The following GPC6 variants were observed in gnomAD, a reference collection of about 807,000 sequenced individuals.
GPC6 encodes glypican 6.
In GPC6, 14 loss-of-function variants were observed where a neutral mutation model predicts 55.2. The ratio of observed to expected loss-of-function variants is 0.25; its 90% confidence interval spans 0.17 to 0.40. The LOEUF (loss-of-function observed/expected upper bound fraction) is 0.40, where lower values mean the gene tolerates loss of function less well. Among genes scored for constraint, GPC6 ranks in the 10% least tolerant of loss-of-function variants. GPC6 has a pLI of 1.00. For synonymous variants in GPC6, 278 were observed against 259.6 expected (o/e 1.07, Z -0.68); for missense variants, 641 against 708.5 (o/e 0.90, Z 1.08).
chr13:93,905,461 T>A (rs1235827563), intron 3 of GPC6, among the ~76,000 whole-genome samples: 1 of 152,148 alleles, frequency 6.6e-6, no homozygotes, highest in Non-Finnish European at 1.5e-5. Context: ...TTTAAAAGGC[T>A]GGCACAAGTT....
intron 6 of GPC6, among the ~76,000 whole-genome samples, chr13:94,323,173 C>G (rs1247763702): frequency 2.0e-5 from 3 of 152,134 alleles, no homozygotes; most frequent in Admixed American, 6.5e-5. Context: ...CTGAGCGGAG[C>G]CTGCCCCAGC....
rs564772871 is a variant in GPC6, at chr13:93,448,850, C to G, written c.161-96413C>G. 1.1e-4 allele frequency among the ~76,000 whole-genome samples: 16 copies of G among 152,274 alleles called. No individual in the cohort carries two copies. In the South Asian group the frequency reaches 1.5e-3, roughly 14 times the overall value. ...GAAGACATTCCTGCTTTCAAACTTCCAGATACTTAAAATGACAACAACAAC... is the reference window on the plus strand; with the variant it reads ...GAAGACATTCCTGCTTTCAAACTTCGAGATACTTAAAATGACAACAACAAC... On this transcript the variant is annotated intron_variant, in intron 1 of 8. Coordinates refer to ENST00000377047, the MANE Select transcript of GPC6 (RefSeq NM_005708.5).
intron 1 of GPC6, among the ~76,000 whole-genome samples, chr13:93,360,799 C>T (rs753128402): frequency 6.6e-6 from 1 of 151,996 alleles, no homozygotes; most frequent in Non-Finnish European, 1.5e-5. Context: ...GTTCACAGTT[C>T]AACTCCTGAT....
intron 4 of GPC6, among the ~76,000 whole-genome samples, chr13:94,047,512 A>C (rs916768526): frequency 1.3e-5 from 2 of 151,964 alleles, no homozygotes; most frequent in African/African-American, 4.8e-5. Context: ...GTATGGAAGA[A>C]AAAAAAAGAT....
At chr13:94,345,089 T>A (rs1018153516) in intron 6 of GPC6, among the ~76,000 whole-genome samples, 3 of 152,202 alleles carry the variant, frequency 2.0e-5, no homozygotes, top group Non-Finnish European at 4.4e-5. Flanking sequence ...TATTAACTGG[T>A]CTATATTTAT....
At chr13:93,257,834 C>T (rs908947421) in intron 1 of GPC6, among the ~76,000 whole-genome samples, 1 of 152,116 alleles carries the variant, frequency 6.6e-6, no homozygotes, top group Non-Finnish European at 1.5e-5. Context: ...TTAACTTTTT[C>T]TAGTATTAAA....
At chr13:94,077,043 C>T (rs1018476695) in intron 4 of GPC6, among the ~76,000 whole-genome samples, 9 of 147,064 alleles carry the variant, frequency 6.1e-5, no homozygotes, top group East Asian at 2.0e-4. Context: ...ACGGGGATAA[C>T]GCTGAATCTG....
At chr13:93,371,717 TA>T (rs1157358458) in intron 1 of GPC6, among the ~76,000 whole-genome samples, 2 of 151,928 alleles carry the variant, frequency 1.3e-5, no homozygotes, top group Non-Finnish European at 2.9e-5. Flanking sequence ...TTAGGGAAAC[TA>T]AAGCACTAGT....
chr13:93,457,249 C>T lies in GPC6; in HGVS notation c.161-88014C>T, dbSNP rs116650723. ...CTATGTGTGTCTGTGTCCAACTTTCCCCTTTTTATAAAGACACTAGTTCTT... is the reference window on the plus strand; with the variant it reads ...CTATGTGTGTCTGTGTCCAACTTTCTCCTTTTTATAAAGACACTAGTTCTT... On this transcript the variant is annotated intron_variant, in intron 1 of 8. Transcript: ENST00000377047. Among the ~76,000 whole-genome samples the T allele has an allele frequency of 3.7e-3, 556 of 152,262 alleles. 3 individuals are homozygous for T. The highest frequency in any genetic ancestry group is 0.013 in the African/African-American group (539 of 41,538).
intron 1 of GPC6, among the ~76,000 whole-genome samples, chr13:93,517,994 G>A (rs1881267662): frequency 7.2e-6 from 1 of 139,100 alleles, no homozygotes; most frequent in African/African-American, 2.6e-5. Flanking sequence ...ATTATTTTTA[G>A]GGGTATATGT....
intron 1 of GPC6, among the ~76,000 whole-genome samples, chr13:93,427,894 T>C (rs1039471992): frequency 2.6e-5 from 4 of 152,188 alleles, no homozygotes; most frequent in Non-Finnish European, 5.9e-5. Context: ...GTAGACTTAG[T>C]TTACTTTTAG....
At chr13:93,895,260 A>G (rs185167641) in intron 3 of GPC6, among the ~76,000 whole-genome samples, 44,378 of 133,814 alleles carry the variant, frequency 0.33, 9,129 homozygotes, top group Non-Finnish European at 0.34. Context: ...ATATATATAT[A>G]TATATATATA....
chr13:93,450,582 G>T (rs893505579), intron 1 of GPC6: 34 of 175,756 alleles, frequency 1.9e-4, no homozygotes, highest in African/African-American at 7.6e-4. Context: ...GGTCAAAGGT[G>T]TTTCTTTCTG....
At chr13:93,531,482 C>A (rs1041075341) in intron 1 of GPC6, among the ~76,000 whole-genome samples, 9 of 152,082 alleles carry the variant, frequency 5.9e-5, no homozygotes, top group African/African-American at 1.7e-4. Flanking sequence ...AACCTTTCAA[C>A]TGATTAGGTT....
At chr13:93,908,146 T>A (rs1456221604) in intron 3 of GPC6, among the ~76,000 whole-genome samples, 3 of 152,104 alleles carry the variant, frequency 2.0e-5, no homozygotes, top group African/African-American at 7.2e-5. Context: ...CAGTTGAAAG[T>A]TTTATCACAG....
chr13:94,347,835 C>A (rs1878364101), intron 6 of GPC6, among the ~76,000 whole-genome samples: 1 of 152,208 alleles, frequency 6.6e-6, no homozygotes. Flanking sequence ...CCTTGCATAA[C>A]AACCATGTTT....
intron 1 of GPC6, among the ~76,000 whole-genome samples, chr13:93,470,512 C>T (rs868193940): frequency 4.6e-5 from 7 of 151,886 alleles, no homozygotes; most frequent in African/African-American, 7.3e-5. Flanking sequence ...TTGTTGGATT[C>T]GATTTGCAAA....
chr13:93,261,064 T>G (rs1262525873), intron 1 of GPC6, among the ~76,000 whole-genome samples: 1 of 152,150 alleles, frequency 6.6e-6, no homozygotes, highest in Non-Finnish European at 1.5e-5. Flanking sequence ...GGAAAGTAGT[T>G]TCTTATTCCT....
chr13:94,112,080 T>C (rs1886268716), intron 4 of GPC6, among the ~76,000 whole-genome samples: 1 of 152,154 alleles, frequency 6.6e-6, no homozygotes, highest in Admixed American at 6.6e-5. Flanking sequence ...ATCTTTAAAA[T>C]TGTCATTAAA....
Sources: gnomAD v4.1 joint callset for allele counts (sites outside exome capture counted in the v4.1 genomes callset) on GRCh38, gnomAD v4.1.1 for gene constraint, MANE v1.5 for transcripts, NCBI Gene and HGNC (gene_info 2026-07-23, HGNC 2026-07-21) for gene names.